SLC12A8: variants seen among roughly 807,000 people sequenced by gnomAD.
SLC12A8 encodes the protein solute carrier family 12 member 8.
Under a neutral mutation model 75.6 loss-of-function variants are expected in SLC12A8, and 69 were observed. The observed-to-expected ratio is 0.91, with a 90% CI of 0.75 to 1.11. The LOEUF is 1.11. SLC12A8 is among the 50% of genes most tolerant of loss of function. SLC12A8 has a pLI of 0.00. For synonymous variants in SLC12A8, 365 were observed against 372.8 expected (o/e 0.98, Z 0.24); for missense variants, 877 against 896.7 (o/e 0.98, Z 0.28).
intron 5 of SLC12A8, among the ~76,000 whole-genome samples, chr3:125,155,882 A>G (rs1934039437): frequency 6.7e-6 from 1 of 150,048 alleles, no homozygotes; most frequent in Non-Finnish European, 1.5e-5. Flanking sequence ...CGTAACTCCA[A>G]TTATTTTTAA....
At chr3:125,166,908 G>A (rs1934302692) in intron 5 of SLC12A8, among the ~76,000 whole-genome samples, 1 of 152,106 alleles carries the variant, frequency 6.6e-6, no homozygotes. Flanking sequence ...AGCTACATAT[G>A]GTAGAAAAAT....
At chr3:125,151,919 A>T (rs1352637471) in intron 5 of SLC12A8, among the ~76,000 whole-genome samples, 1 of 152,200 alleles carries the variant, frequency 6.6e-6, no homozygotes, top group Non-Finnish European at 1.5e-5. Flanking sequence ...ACATCATTTA[A>T]TCTCTAAATA....
At chr3:125,136,345 C>T (rs1272087115) in intron 5 of SLC12A8, among the ~76,000 whole-genome samples, 1 of 152,168 alleles carries the variant, frequency 6.6e-6, no homozygotes, top group African/African-American at 2.4e-5. Context: ...TCCTGGCCTT[C>T]CAGACTCTTC....
chr3:125,094,496 C>T (rs542263360), intron 10 of SLC12A8, among the ~76,000 whole-genome samples: 5 of 152,220 alleles, frequency 3.3e-5, no homozygotes, highest in South Asian at 2.1e-4. Flanking sequence ...CTTCCTTTCA[C>T]GGTGGATGAA....
chr3:125,089,088 A>G (rs1011325234), intron 12 of SLC12A8, among the ~76,000 whole-genome samples: 2 of 152,254 alleles, frequency 1.3e-5, no homozygotes, highest in Non-Finnish European at 2.9e-5. Context: ...TTATACATAC[A>G]TATGATTGAA....
intron 4 of SLC12A8, among the ~76,000 whole-genome samples, chr3:125,179,530 A>G (rs764333514): frequency 4.6e-5 from 7 of 152,334 alleles, no homozygotes; most frequent in South Asian, 2.1e-4. Flanking sequence ...ACAAGGCCCC[A>G]TTCTTCAATG....
intron 6 of SLC12A8, among the ~76,000 whole-genome samples, chr3:125,133,409 G>C (rs1024598261): frequency 6.6e-6 from 1 of 151,310 alleles, no homozygotes; most frequent in East Asian, 1.9e-4. Flanking sequence ...GTCTCACTCT[G>C]TCACTCAGGC....
intron 5 of SLC12A8, among the ~76,000 whole-genome samples, chr3:125,167,343 A>T (rs1350736407): frequency 4.6e-5 from 7 of 152,126 alleles, no homozygotes; most frequent in Non-Finnish European, 8.8e-5. Flanking sequence ...ATGGGGTTTC[A>T]CCATGTTGGC....
intron 6 of SLC12A8, among the ~76,000 whole-genome samples, chr3:125,124,722 C>T (rs576751120): frequency 7.9e-5 from 12 of 152,286 alleles, no homozygotes; most frequent in South Asian, 2.1e-4. Context: ...TCCCTAGCTT[C>T]GGTGAATTAT....
chr3:125,200,407 C>T (rs1450648356), intron 2 of SLC12A8, among the ~76,000 whole-genome samples: 1 of 152,130 alleles, frequency 6.6e-6, no homozygotes, highest in Admixed American at 6.5e-5. Context: ...CATGATCGTG[C>T]CACTGTACTC....
chr3:125,108,995 T>A (rs1474581777), intron 9 of SLC12A8, among the ~76,000 whole-genome samples: 1 of 152,172 alleles, frequency 6.6e-6, no homozygotes, highest in Non-Finnish European at 1.5e-5. Context: ...TCCTGGGAGC[T>A]CTTCATCACA....
At chr3:125,209,947 A>G (rs1935303314) in intron 2 of SLC12A8, among the ~76,000 whole-genome samples, 1 of 152,258 alleles carries the variant, frequency 6.6e-6, no homozygotes, top group Non-Finnish European at 1.5e-5. Flanking sequence ...CCTTAACAAG[A>G]CAGTGCAGGG....
chr3:125,184,619 G>A (rs1934734222), intron 4 of SLC12A8, among the ~76,000 whole-genome samples: 1 of 151,856 alleles, frequency 6.6e-6, no homozygotes. Context: ...CACATGCCCT[G>A]GAATGAGGGC....
At chr3:125,211,959 C>T (rs187028836) in intron 1 of SLC12A8, among the ~76,000 whole-genome samples, 2 of 152,208 alleles carry the variant, frequency 1.3e-5, no homozygotes, top group Admixed American at 6.5e-5. Context: ...CAACCCACCC[C>T]CAGGCACCCT....
chr3:125,199,197 A>G (rs755249401), intron 2 of SLC12A8, among the ~76,000 whole-genome samples: 3 of 152,240 alleles, frequency 2.0e-5, no homozygotes, highest in Non-Finnish European at 4.4e-5. Flanking sequence ...AAAGGACATG[A>G]TGTCTGCAAA....
chr3:125,175,896 G>A (rs1934516354), intron 5 of SLC12A8, among the ~76,000 whole-genome samples: 1 of 152,170 alleles, frequency 6.6e-6, no homozygotes, highest in Non-Finnish European at 1.5e-5. Context: ...TAACCCTTTA[G>A]GTGCCGGATC....
intron 10 of SLC12A8, among the ~76,000 whole-genome samples, chr3:125,104,856 A>C (rs961772747): frequency 2.0e-5 from 3 of 152,122 alleles, no homozygotes; most frequent in African/African-American, 7.2e-5. Flanking sequence ...CTGGAATATA[A>C]ATGTAATGGC....
chr3:125,108,254 C>T, intron 9 of SLC12A8, 128 bp from the exon 10 acceptor site: 5 of 938,046 alleles, frequency 5.3e-6, no homozygotes, highest in Non-Finnish European at 7.8e-6. Context: ...GATTATTCAT[C>T]TATAAACTTG....
intron 5 of SLC12A8, among the ~76,000 whole-genome samples, chr3:125,152,183 A>T (rs1688799262): frequency 6.6e-6 from 1 of 152,254 alleles, no homozygotes; most frequent in South Asian, 2.1e-4. Flanking sequence ...GCAAGAAGTG[A>T]CTTTCCTTTT....
Sources: gnomAD v4.1 joint callset for allele counts (sites outside exome capture counted in the v4.1 genomes callset) on GRCh38, gnomAD v4.1.1 for gene constraint, MANE v1.5 for transcripts, NCBI Gene and HGNC (gene_info 2026-07-23, HGNC 2026-07-21) for gene names.